SLC41A2: variants seen among roughly 807,000 people sequenced by gnomAD.
SLC41A2 encodes the protein solute carrier family 41 member 2.
SLC41A2 carries 32 observed loss-of-function variants against 58.3 expected under a neutral mutation model. The observed-to-expected ratio is 0.55, with a 90% CI of 0.41 to 0.74. The LOEUF (loss-of-function observed/expected upper bound fraction) is 0.74. Among genes scored for constraint, SLC41A2 ranks in the 30% least tolerant of loss-of-function variants. The pLI is 0.00. For synonymous variants in SLC41A2, 190 were observed against 235.0 expected (o/e 0.81, Z 1.75); for missense variants, 514 against 680.6 (o/e 0.76, Z 2.72).
At chr12:104,858,793 G>T (rs911653975) in intron 8 of SLC41A2, among the ~76,000 whole-genome samples, 2 of 152,094 alleles carry the variant, frequency 1.3e-5, no homozygotes, top group Non-Finnish European at 2.9e-5. Context: ...AGCCAACTAA[G>T]AGGTTTACTT....
chr12:104,910,069 A>G (rs2046014912), intron 2 of SLC41A2, among the ~76,000 whole-genome samples: 1 of 152,206 alleles, frequency 6.6e-6, no homozygotes, highest in South Asian at 2.1e-4. Flanking sequence ...TATGATGACA[A>G]TCGTTAGACT....
At chr12:104,847,347 T>C (rs376968906) in intron 8 of SLC41A2, among the ~76,000 whole-genome samples, 2 of 152,032 alleles carry the variant, frequency 1.3e-5, no homozygotes, top group East Asian at 3.9e-4. Flanking sequence ...CTCCCGCCTG[T>C]AATCCCAGCA....
intron 8 of SLC41A2, among the ~76,000 whole-genome samples, chr12:104,852,209 G>A (rs1183293748): frequency 6.6e-6 from 1 of 152,158 alleles, no homozygotes; most frequent in African/African-American, 2.4e-5. Flanking sequence ...TATACTTAAT[G>A]CAAAGCAGAA....
chr12:104,936,684 C>T (rs1487345636), intron 1 of SLC41A2, among the ~76,000 whole-genome samples: 1 of 152,164 alleles, frequency 6.6e-6, no homozygotes, highest in Non-Finnish European at 1.5e-5. Flanking sequence ...AGTCACCTCC[C>T]ACTGGGTTCC....
chr12:104,911,146 C>G lies in SLC41A2; in HGVS notation c.556-1384G>C, dbSNP rs538750082. Among the ~76,000 whole-genome samples, 13 of 152,224 alleles carry G rather than the reference C, an allele frequency of 8.5e-5. No individual in the cohort carries two copies. The South Asian group carries it at 1.9e-3, about 22-fold the overall frequency. On this transcript the variant is annotated intron_variant, in intron 2 of 10. Coordinates refer to ENST00000258538, the MANE Select transcript of SLC41A2 (RefSeq NM_001352171.3). ...TTTGAATCCACCTATGACTTGGAAGCCCCCACTTTTAAGTTGTCCCACATT... is the reference window on the plus strand; with the variant it reads ...TTTGAATCCACCTATGACTTGGAAGGCCCCACTTTTAAGTTGTCCCACATT...
chr12:104,855,843 C>T (rs772851864), intron 8 of SLC41A2, among the ~76,000 whole-genome samples: 7 of 152,176 alleles, frequency 4.6e-5, no homozygotes, highest in Non-Finnish European at 8.8e-5. Flanking sequence ...ACACCGCTAA[C>T]TGACACAGGA....
chr12:104,874,962 A>G (rs1308145383), intron 6 of SLC41A2, among the ~76,000 whole-genome samples: 3 of 152,230 alleles, frequency 2.0e-5, no homozygotes, highest in African/African-American at 7.2e-5. Context: ...CTTCCAATCC[A>G]TAAACATGGA....
intron 10 of SLC41A2, among the ~76,000 whole-genome samples, chr12:104,814,293 G>C (rs1050871661): frequency 3.3e-5 from 5 of 152,076 alleles, no homozygotes; most frequent in African/African-American, 1.2e-4. Flanking sequence ...GTTGAGGTGG[G>C]AGGATCCCTT....
chr12:104,922,060 T>C (rs1172496640), intron 2 of SLC41A2, among the ~76,000 whole-genome samples: 1 of 152,064 alleles, frequency 6.6e-6, no homozygotes, highest in Non-Finnish European at 1.5e-5. Context: ...AATTGAAACA[T>C]GCAACTAGAG....
intron 2 of SLC41A2, among the ~76,000 whole-genome samples, chr12:104,918,644 A>C (rs1565900787): frequency 6.6e-6 from 1 of 151,350 alleles, no homozygotes; most frequent in East Asian, 1.9e-4. Flanking sequence ...AAAAAAAAAA[A>C]AAACTAAAAA....
chr12:104,807,915 T>G (rs2040986880), intron 10 of SLC41A2, among the ~76,000 whole-genome samples: 1 of 152,238 alleles, frequency 6.6e-6, no homozygotes, highest in Non-Finnish European at 1.5e-5. Context: ...ACATTGATTT[T>G]GTATCCTGAG....
intron 8 of SLC41A2, among the ~76,000 whole-genome samples, chr12:104,847,459 G>T (rs984037517): frequency 1.3e-5 from 2 of 151,882 alleles, no homozygotes; most frequent in Non-Finnish European, 2.9e-5. Context: ...ACAAAAACTA[G>T]CTTGGTGTGG....
chr12:104,923,178 C>T (rs56254810), intron 2 of SLC41A2, among the ~76,000 whole-genome samples: 1 of 127,548 alleles, frequency 7.8e-6, no homozygotes, highest in African/African-American at 2.8e-5. Context: ...CTGGCTAACA[C>T]GGTGAAACTC....
intron 8 of SLC41A2, among the ~76,000 whole-genome samples, chr12:104,855,342 C>T (rs1427529686): frequency 4.6e-5 from 7 of 152,162 alleles, no homozygotes; most frequent in Non-Finnish European, 1.0e-4. Flanking sequence ...GTAGTGCCCT[C>T]TGTGCTCTTC....
intron 10 of SLC41A2, among the ~76,000 whole-genome samples, chr12:104,843,967 C>A (rs2042513740): frequency 6.6e-6 from 1 of 152,078 alleles, no homozygotes; most frequent in Non-Finnish European, 1.5e-5. Context: ...TACCTTCTAG[C>A]CTCCTTCCTA....
Position 104,928,266 on chromosome 12 carries a change from T to A in SLC41A2, c.262A>T (p.Ser88Cys), listed in dbSNP as rs2046923770. The change falls in exon 2 of 11, where the codon AGT becomes TGT. Residue 88 changes from serine (S) to cysteine (C), a missense_variant. Coordinates refer to ENST00000258538, the MANE Select transcript of SLC41A2 (RefSeq NM_001352171.3). ...GCATGAAAAGACTGCTCTGAGAAAC[T>A]GTGATACTCCATGTGTTGCTCAGAT... The part of the protein sequence containing the change: ...NRSEQHMEYH[S>C]FSEQSFHANN... The A allele has an allele frequency of 6.2e-7, 1 of 1,613,750 alleles. No individual in the cohort carries two copies. The highest frequency in any genetic ancestry group is 1.3e-5 in the African/African-American group (1 of 74,944).
chr12:104,935,118 C>G (rs150617826), intron 1 of SLC41A2, among the ~76,000 whole-genome samples: 3 of 152,064 alleles, frequency 2.0e-5, no homozygotes, highest in Non-Finnish European at 4.4e-5. Flanking sequence ...CCACCACGCC[C>G]GGCTAATTTT....
chr12:104,850,552 T>C (rs544455817), intron 8 of SLC41A2, among the ~76,000 whole-genome samples: 1 of 152,322 alleles, frequency 6.6e-6, no homozygotes, highest in Non-Finnish European at 1.5e-5. Context: ...TTAGCATTTT[T>C]TAATTGCAGA....
chr12:104,953,989 A>C (rs192924952), intron 1 of SLC41A2, among the ~76,000 whole-genome samples: 43 of 152,310 alleles, frequency 2.8e-4, no homozygotes, highest in Non-Finnish European at 1.2e-4. Flanking sequence ...AAAAATGTCT[A>C]AATAAGTCGA....
Sources: gnomAD v4.1 joint callset for allele counts (sites outside exome capture counted in the v4.1 genomes callset) on GRCh38, gnomAD v4.1.1 for gene constraint, MANE v1.5 for transcripts, NCBI Gene and HGNC (gene_info 2026-07-23, HGNC 2026-07-21) for gene names.